IFT80: variants seen among roughly 807,000 people sequenced by gnomAD.
IFT80 encodes the protein intraflagellar transport protein 80 homolog.
A neutral mutation model predicts 107.9 loss-of-function variants in IFT80; 79 were observed. The ratio of observed to expected loss-of-function variants is 0.73; its 90% CI spans 0.61 to 0.88. The LOEUF is 0.88. Among genes scored for constraint, IFT80 ranks in the 40% least tolerant of loss-of-function variants. The pLI is 0.00. For missense variants in IFT80, 797 were observed against 914.2 expected, an observed-to-expected ratio of 0.87 and a Z score of 1.65; for synonymous variants, 299 against 300.9, an observed-to-expected ratio of 0.99 and a Z score of 0.07.
At chr3:160,324,478 C>T (rs1196663317) in intron 8 of IFT80, among the ~76,000 whole-genome samples, 29 of 152,084 alleles carry the variant, frequency 1.9e-4, no homozygotes, top group South Asian at 1.7e-3. Flanking sequence ...GTTCAATATA[C>T]GCAAATCAAT....
chr3:160,314,174 T>G (rs544048524), intron 9 of IFT80, among the ~76,000 whole-genome samples: 9 of 152,198 alleles, frequency 5.9e-5, no homozygotes, highest in African/African-American at 2.2e-4. Context: ...TATTATTAGC[T>G]CTTATTTTTA....
At chr3:160,315,428 C>G (rs924483148) in intron 9 of IFT80, among the ~76,000 whole-genome samples, 18 of 152,132 alleles carry the variant, frequency 1.2e-4, no homozygotes, top group Non-Finnish European at 2.4e-4. Context: ...AGGGAATTTA[C>G]TTGTGAGCAT....
intron 8 of IFT80, among the ~76,000 whole-genome samples, chr3:160,337,351 C>T (rs963542199): frequency 2.6e-5 from 4 of 152,150 alleles, no homozygotes; most frequent in Admixed American, 1.3e-4. Context: ...ATGAGCCAGG[C>T]GTGGTGGTTC....
intron 8 of IFT80, chr3:160,320,164 A>G: frequency 2.1e-6 from 1 of 465,194 alleles, no homozygotes; most frequent in Non-Finnish European, 3.8e-6. Flanking sequence ...AAATATCTCA[A>G]GAACTGTAAA....
intron 14 of IFT80, among the ~76,000 whole-genome samples, chr3:160,281,495 G>A (rs1436955118): frequency 6.6e-6 from 1 of 152,188 alleles, no homozygotes; most frequent in Non-Finnish European, 1.5e-5. Flanking sequence ...AATGTCAGGT[G>A]ACCATCAGGT....
Position 160,383,973 on chromosome 3 carries a change from G to A in IFT80, c.37+591C>T, listed in dbSNP as rs1412010932. On this transcript the variant is annotated intron_variant, in intron 2 of 19. Coordinates refer to ENST00000326448, the MANE Select transcript of IFT80 (RefSeq NM_020800.3). ...AAAATGCTTCATTTTGGCCAGGCGCGGTGGCTCATGCCTGTAATCCCAGCA... is the reference window on the plus strand; with the variant it reads ...AAAATGCTTCATTTTGGCCAGGCGCAGTGGCTCATGCCTGTAATCCCAGCA... 3.0e-5 allele frequency: 30 copies of A among 984,622 alleles called. No homozygotes were observed. The East Asian group carries it at 4.5e-4, about 15-fold the overall frequency. The allele number at this position is 984,622 out of a possible 1,614,324, so 61.0% of individuals were successfully genotyped here. A position where few individuals can be genotyped will look rare whatever the true frequency, so the allele number is the denominator to read the frequency against.
At chr3:160,269,410 T>A (rs535219225) in intron 18 of IFT80, among the ~76,000 whole-genome samples, 3 of 152,128 alleles carry the variant, frequency 2.0e-5, no homozygotes, top group African/African-American at 7.2e-5. Context: ...AAATAACAAA[T>A]TGAGGCTAAG....
chr3:160,393,987 C>T (rs1159022496), intron 1 of IFT80, among the ~76,000 whole-genome samples: 1 of 152,158 alleles, frequency 6.6e-6, no homozygotes, highest in Non-Finnish European at 1.5e-5. Flanking sequence ...TTTTTATCAA[C>T]GGTCCCCTAA....
chr3:160,395,940 C>T (rs183991512), intron 1 of IFT80, among the ~76,000 whole-genome samples: 32 of 152,192 alleles, frequency 2.1e-4, no homozygotes, highest in Non-Finnish European at 1.6e-4. Flanking sequence ...TAAAAATGAA[C>T]ATTTCCTTAA....
chr3:160,260,198 C>T (rs1166285986), intron 19 of IFT80, among the ~76,000 whole-genome samples: 3 of 152,048 alleles, frequency 2.0e-5, no homozygotes, highest in Non-Finnish European at 4.4e-5. Flanking sequence ...AATTAATAAA[C>T]GAATTCCTCT....
At chr3:160,359,753 T>C (rs1188234780) in intron 6 of IFT80, among the ~76,000 whole-genome samples, 1 of 151,982 alleles carries the variant, frequency 6.6e-6, no homozygotes, top group African/African-American at 2.4e-5. Context: ...AGACCTGCAG[T>C]TGAGGGTCCT....
intron 5 of IFT80, among the ~76,000 whole-genome samples, chr3:160,371,733 T>G (rs1277899855): frequency 6.6e-6 from 1 of 152,214 alleles, no homozygotes; most frequent in Non-Finnish European, 1.5e-5. Flanking sequence ...TGAGCCACTG[T>G]GCCCAGCCAC....
chr3:160,391,831 A>G (rs776511698), intron 1 of IFT80, among the ~76,000 whole-genome samples: 2 of 152,224 alleles, frequency 1.3e-5, no homozygotes, highest in Non-Finnish European at 2.9e-5. Flanking sequence ...TGTACCATCA[A>G]AGTTTTAAGT....
At chr3:160,313,041 TAA>T (rs1222480275) in intron 9 of IFT80, among the ~76,000 whole-genome samples, 3 of 91,546 alleles carry the variant, frequency 3.3e-5, no homozygotes, top group African/African-American at 1.3e-4. Context: ...TATAAATATA[TAA>T]TATATAATAA....
chr3:160,263,986 G>A (rs1203643999), intron 19 of IFT80, among the ~76,000 whole-genome samples: 1 of 151,962 alleles, frequency 6.6e-6, no homozygotes, highest in Non-Finnish European at 1.5e-5. Flanking sequence ...ATTTTTAATA[G>A]AGACAACGTC....
intron 10 of IFT80, among the ~76,000 whole-genome samples, chr3:160,306,548 C>T (rs1016917845): frequency 1.3e-5 from 2 of 151,874 alleles, no homozygotes; most frequent in African/African-American, 4.8e-5. Context: ...TTGAATCTTC[C>T]CAAATTCTTA....
Position 160,301,686 on chromosome 3 carries a change from G to A in IFT80, c.1152-640C>T, listed in dbSNP as rs933407796. Among the ~76,000 whole-genome samples, 4 of 151,906 alleles carry A rather than the reference G, an allele frequency of 2.6e-5. No individual in the cohort carries two copies. The East Asian group carries it at 5.8e-4, about 22-fold the overall frequency. On this transcript the variant is annotated intron_variant, in intron 11 of 19. Transcript: ENST00000326448. ...TGCTGACAACCATATTTAAGGCACA[G>A]GGCTCTCTGTAGTTAATTTTTTATT...
chr3:160,326,302 G>A (rs1161017694), intron 8 of IFT80, among the ~76,000 whole-genome samples: 2 of 151,848 alleles, frequency 1.3e-5, no homozygotes, highest in Non-Finnish European at 2.9e-5. Context: ...TAAAAAGGAG[G>A]CACTCCTCCC....
chr3:160,293,316 T>A (rs1429222420), intron 12 of IFT80, among the ~76,000 whole-genome samples: 2 of 152,208 alleles, frequency 1.3e-5, no homozygotes, highest in African/African-American at 4.8e-5. Context: ...AACATGATGA[T>A]GGACTGGACT....
Sources: gnomAD v4.1 joint callset for allele counts (sites outside exome capture counted in the v4.1 genomes callset) on GRCh38, gnomAD v4.1.1 for gene constraint, MANE v1.5 for transcripts, NCBI Gene and HGNC (gene_info 2026-07-23, HGNC 2026-07-21) for gene names.